Variants in MYO16 observed in about 807,000 individuals in gnomAD.
The protein encoded by MYO16 is myosin XVI, also known as unconventional myosin-XVI.
A neutral mutation model predicts 205.3 loss-of-function variants in MYO16; 94 were observed. The observed-to-expected ratio is 0.46, with a 90% confidence interval of 0.39 to 0.54. The LOEUF is 0.54. Among genes scored for constraint, MYO16 ranks in the 20% least tolerant of loss-of-function variants. The pLI is 0.00. For missense variants in MYO16, 2,315 were observed against 2,387.5 expected (o/e 0.97, Z 0.63); for synonymous variants, 988 against 954.0 (o/e 1.04, Z -0.66).
intron 4 of MYO16, among the ~76,000 whole-genome samples, chr13:108,734,846 G>C (rs113534752): frequency 2.6e-5 from 4 of 152,126 alleles, no homozygotes; most frequent in South Asian, 2.1e-4. Flanking sequence ...ATTTTCCAGC[G>C]TGTCAGCTTG....
intron 6 of MYO16, among the ~76,000 whole-genome samples, chr13:108,796,809 C>G (rs7988296): frequency 0.28 from 34,998 of 123,044 alleles, 6,025 homozygotes; most frequent in African/African-American, 0.35. Flanking sequence ...GGAGATATAC[C>G]TAATGTAAAA....
chr13:109,067,545 G>A (rs1887791217), intron 27 of MYO16, among the ~76,000 whole-genome samples: 1 of 152,184 alleles, frequency 6.6e-6, no homozygotes, highest in African/African-American at 2.4e-5. Context: ...ACAATGGCGT[G>A]CTGTTTCTGA....
intron 14 of MYO16, among the ~76,000 whole-genome samples, chr13:108,897,740 A>G (rs1880498694): frequency 6.6e-6 from 1 of 152,134 alleles, no homozygotes; most frequent in Non-Finnish European, 1.5e-5. Context: ...CTGTGTGTGT[A>G]GAGAATGGCT....
intron 2 of MYO16, among the ~76,000 whole-genome samples, chr13:108,675,935 G>A (rs1210636169): frequency 1.3e-5 from 2 of 152,164 alleles, no homozygotes; most frequent in Admixed American, 6.5e-5. Context: ...ATAAGGTTAC[G>A]AGGTAAGTGC....
chr13:109,199,416 A>G (rs1880318097), intron 34 of MYO16, among the ~76,000 whole-genome samples: 1 of 151,704 alleles, frequency 6.6e-6, no homozygotes, highest in African/African-American at 2.4e-5. Flanking sequence ...AGTCCTTTGT[A>G]CTTTCCCAGT....
chr13:108,844,517 C>A, intron 10 of MYO16, 24 bp downstream of exon 10: 1 of 1,558,562 alleles, frequency 6.4e-7, no homozygotes, highest in South Asian at 1.2e-5. Context: ...CACTGTGTGT[C>A]TACCAGTACT....
At chr13:108,670,321 G>T (rs1245952959) in intron 2 of MYO16, among the ~76,000 whole-genome samples, 1 of 152,108 alleles carries the variant, frequency 6.6e-6, no homozygotes, top group African/African-American at 2.4e-5. Context: ...TCTAAGAACT[G>T]CCCATAAAGA....
chr13:108,613,495 A>C (rs1377160546), intron 1 of MYO16, among the ~76,000 whole-genome samples: 3 of 152,130 alleles, frequency 2.0e-5, no homozygotes, highest in Admixed American at 2.0e-4. Flanking sequence ...TGAAGAAGGA[A>C]CACTTCCCAA....
chr13:108,783,784 C>T (rs1035331619), intron 4 of MYO16, among the ~76,000 whole-genome samples: 1 of 152,154 alleles, frequency 6.6e-6, no homozygotes, highest in Non-Finnish European at 1.5e-5. Context: ...TTTGCTTCCT[C>T]CTCATTTTAC....
chr13:108,532,687 A>T, the MYO16 span, among the ~76,000 whole-genome samples: 2 of 151,996 alleles, frequency 1.3e-5, no homozygotes, highest in African/African-American at 4.8e-5. Flanking sequence ...GCTACTTAGG[A>T]GGCTGGGGCA....
chr13:108,655,423 GAGA>G (rs1411837660), intron 1 of MYO16, among the ~76,000 whole-genome samples: 1 of 152,216 alleles, frequency 6.6e-6, no homozygotes, highest in African/African-American at 2.4e-5. Flanking sequence ...ACCTATATTT[GAGA>G]AGATGTATGG....
At chr13:109,112,744 C>T (rs545136114) in intron 28 of MYO16, among the ~76,000 whole-genome samples, 2 of 148,490 alleles carry the variant, frequency 1.3e-5, no homozygotes, top group Non-Finnish European at 3.0e-5. Context: ...GAAACTCTGC[C>T]AAAAAAAAAA....
chr13:108,895,483 G>A (rs1392140780), intron 14 of MYO16, among the ~76,000 whole-genome samples: 2 of 152,174 alleles, frequency 1.3e-5, no homozygotes, highest in Non-Finnish European at 2.9e-5. Flanking sequence ...CTTGACTCAT[G>A]GATGACAACG....
chr13:108,816,421 C>T (rs1875609328), intron 7 of MYO16, among the ~76,000 whole-genome samples: 1 of 152,020 alleles, frequency 6.6e-6, no homozygotes, highest in African/African-American at 2.4e-5. Flanking sequence ...CGCCCCCCAC[C>T]CACCCCAAGT....
chr13:108,714,057 T>TTTGTTG (rs917329423), intron 3 of MYO16, among the ~76,000 whole-genome samples: 1 of 151,952 alleles, frequency 6.6e-6, no homozygotes, highest in African/African-American at 2.4e-5. Context: ...TTTGTTTGTT[T>TTTGTTG]TTGTTGTTGT....
chr13:108,617,801 C>A (rs1879401765), intron 1 of MYO16, among the ~76,000 whole-genome samples: 1 of 152,074 alleles, frequency 6.6e-6, no homozygotes, highest in Non-Finnish European at 1.5e-5. Flanking sequence ...TACTGAGTAC[C>A]CAATAGATGT....
intron 33 of MYO16, among the ~76,000 whole-genome samples, chr13:109,170,064 C>T (rs1878862654): frequency 6.6e-6 from 1 of 151,340 alleles, no homozygotes; most frequent in Non-Finnish European, 1.5e-5. Flanking sequence ...GAGTATCTTT[C>T]TTACTTCATA....
At chr13:108,601,300 A>G (rs1878753835) in intron 1 of MYO16, among the ~76,000 whole-genome samples, 1 of 152,130 alleles carries the variant, frequency 6.6e-6, no homozygotes, top group Non-Finnish European at 1.5e-5. Flanking sequence ...ATTTCCTGTT[A>G]TTTATTTTAG....
upstream of MYO16, among the ~76,000 whole-genome samples, chr13:108,592,772 G>A (rs1468784741): frequency 6.7e-6 from 1 of 148,558 alleles, no homozygotes; most frequent in African/African-American, 2.5e-5. Flanking sequence ...TTAGGGACCT[G>A]GCATTCATTC....
Sources: gnomAD v4.1 joint callset for allele counts (sites outside exome capture counted in the v4.1 genomes callset) on GRCh38, gnomAD v4.1.1 for gene constraint, MANE v1.5 for transcripts, NCBI Gene and HGNC (gene_info 2026-07-23, HGNC 2026-07-21) for gene names.